Variants in WDR35 observed in about 807,000 individuals in gnomAD.
WDR35 encodes the protein WD repeat domain 35.
WDR35 carries 118 observed loss-of-function variants against 158.3 expected under a neutral mutation model. The observed-to-expected ratio is 0.75, with a 90% CI of 0.64 to 0.87. The LOEUF is 0.87. WDR35 is among the 40% of genes least tolerant of loss of function. The probability of loss-of-function intolerance (pLI) is 0.00; values close to 1 mark genes in which losing one functional copy is unlikely to be tolerated. For missense variants in WDR35, 1,263 were observed against 1,405.8 expected (o/e 0.90, Z 1.62); for synonymous variants, 448 against 476.1 (o/e 0.94, Z 0.77).
chr2:19,925,581 G>A (rs1251950932), intron 25 of WDR35, among the ~76,000 whole-genome samples: 1 of 152,202 alleles, frequency 6.6e-6, no homozygotes, highest in African/African-American at 2.4e-5. Context: ...ACTTAACATA[G>A]TTGGAGTTGG....
chr2:19,972,437 A>T (rs998766625), intron 8 of WDR35, among the ~76,000 whole-genome samples: 3 of 152,262 alleles, frequency 2.0e-5, no homozygotes, highest in African/African-American at 7.2e-5. Flanking sequence ...ACATTATGAT[A>T]AATAAGTAAA....
At chr2:19,944,841 T>C (rs935237719) in intron 16 of WDR35, among the ~76,000 whole-genome samples, 18 of 152,088 alleles carry the variant, frequency 1.2e-4, no homozygotes, top group African/African-American at 4.3e-4. Context: ...TACCACTAAA[T>C]AAATTACTCC....
intron 25 of WDR35, among the ~76,000 whole-genome samples, chr2:19,928,248 C>T (rs997548123): frequency 1.3e-5 from 2 of 152,268 alleles, no homozygotes; most frequent in African/African-American, 4.8e-5. Flanking sequence ...CTGCAGATAA[C>T]TAGCCAGACC....
In WDR35 at chr2:19,938,962, T is replaced by C. The variant is rs747525859; in HGVS notation, c.1927-561A>G. Among the ~76,000 whole-genome samples the C allele has an allele frequency of 3.3e-5, 5 of 152,350 alleles. No individual in the cohort carries two copies. The South Asian group carries it at 1.0e-3, about 32-fold the overall frequency. On this transcript the variant is annotated intron_variant, in intron 17 of 26. Transcript: ENST00000281405. ...TGTTAATTAATAGTTGCTGAATTAA[T>C]GAATAGATGAACTTTAGGTAAATCA... is the stretch of plus-strand genomic sequence containing the variant.
Position 19,937,701 on chromosome 2 carries a change from A to C in WDR35, c.2267+42T>G, listed in dbSNP as rs200680166. Reference sequence around the variant, plus strand: ...CCATTTGTAAAAAATACAATGATGAACTGATAGAGTACTCAGGGATGCCTG... The same window carrying C: ...CCATTTGTAAAAAATACAATGATGACCTGATAGAGTACTCAGGGATGCCTG... On this transcript the variant is annotated intron_variant, in intron 19 of 26. Coordinates refer to ENST00000281405, the MANE Select transcript of WDR35 (RefSeq NM_020779.4). 355 of 1,611,650 alleles carry C rather than the reference A, an allele frequency of 2.2e-4. 2 individuals carry two copies. The Middle Eastern group carries it at 9.6e-3, about 44-fold the overall frequency.
At position 19,974,599 on chromosome 2, in the gene WDR35, G is replaced by A; in HGVS notation, c.605C>T (p.Thr202Ile). 2 of 1,613,790 alleles carry A rather than the reference G, an allele frequency of 1.2e-6. No homozygotes were observed. Among genetic ancestry groups the A allele is most frequent in the East Asian group, 2.2e-5 (1 of 44,870 alleles). ...KMKLSCLVNV[T>I]GAISIAGIHW... ...AATTCCAGCAATGCTGATAGCTCCA[G>A]TGACATTCACCAAACAACTCAGTTT... Residue 202 changes from threonine to isoleucine, a missense_variant, in exon 7 of 27, where the codon ACT (threonine) becomes ATT (isoleucine). Thr to Ile is a moderately conservative substitution (Grantham distance 89). Transcript: ENST00000281405.
chr2:19,985,899 GAAAA>G (rs70939024), intron 2 of WDR35, among the ~76,000 whole-genome samples: 1 of 71,166 alleles, frequency 1.4e-5, no homozygotes, highest in Admixed American at 1.6e-4. Flanking sequence ...CCCATCTCGG[GAAAA>G]AAAAAAAAAA....
chr2:19,981,208 G>A (rs917415505), intron 3 of WDR35, among the ~76,000 whole-genome samples: 9 of 152,038 alleles, frequency 5.9e-5, no homozygotes, highest in African/African-American at 9.7e-5. Context: ...CCTCTCACTC[G>A]TTTTCCATTC....
At position 19,989,901 on chromosome 2, in the gene WDR35, G is replaced by A. The variant is rs963407260; in HGVS notation, c.24+91C>T. Reference sequence around the variant, plus strand: ...ATGGCGAAGCCACGACCAGGACCGGGTGAAGGAGCCTGGCTTCTCGGGAAG... The same window carrying A: ...ATGGCGAAGCCACGACCAGGACCGGATGAAGGAGCCTGGCTTCTCGGGAAG... On this transcript the variant is annotated intron_variant, in intron 1 of 26. Transcript: ENST00000281405. 4 of 1,579,166 alleles carry A rather than the reference G, an allele frequency of 2.5e-6. No homozygotes were observed. The South Asian group carries it at 3.4e-5, about 14-fold the overall frequency.
chr2:19,940,261 G>A (rs547327637), intron 17 of WDR35, among the ~76,000 whole-genome samples: 1 of 151,766 alleles, frequency 6.6e-6, no homozygotes, highest in African/African-American at 2.4e-5. Context: ...CAGCTACTCA[G>A]GAGGCTGAGA....
At chr2:19,981,369 T>C (rs1375529127) in intron 3 of WDR35, among the ~76,000 whole-genome samples, 2 of 152,234 alleles carry the variant, frequency 1.3e-5, no homozygotes, top group Non-Finnish European at 2.9e-5. Context: ...TTAGGAAGTT[T>C]AACACTGATA....
intron 25 of WDR35, among the ~76,000 whole-genome samples, chr2:19,920,690 C>T (rs1670141971): frequency 6.6e-6 from 1 of 152,190 alleles, no homozygotes; most frequent in African/African-American, 2.4e-5. Flanking sequence ...TGCCCTCTCC[C>T]ACCACTCCTA....
At position 19,910,896 on chromosome 2, in the gene WDR35, T is replaced by C. The variant is rs1342713720; in HGVS notation, c.*2662A>G. The C allele has an allele frequency of 6.6e-6, 1 of 152,168 alleles. No individual in the cohort carries two copies. Among genetic ancestry groups the C allele is most frequent in the Non-Finnish European group, 1.5e-5 (1 of 68,040 alleles). 9.4% of individuals were successfully genotyped at this position (152,168 alleles called of 1,614,324 possible). ...ATATAGATACCAAAGAGGCATAAGC[T>C]TTTACAAAAGTAAAAAAGATGTGCC... On this transcript the variant is annotated 3_prime_UTR_variant, in exon 27 of 27. Coordinates refer to ENST00000281405, the MANE Select transcript of WDR35 (RefSeq NM_020779.4).
intron 11 of WDR35, among the ~76,000 whole-genome samples, chr2:19,956,473 G>C (rs576406203): frequency 2.6e-5 from 4 of 152,174 alleles, no homozygotes; most frequent in African/African-American, 9.6e-5. Context: ...TGTTCTCTCA[G>C]TTTACTTACT....
In WDR35 at chr2:19,932,343, A is replaced by G. The variant is rs749611728; in HGVS notation, c.2763T>C (p.Asp921=). ...SHLLEKNKTL[D]AIELYRKANY... is the part of the protein sequence containing the mutation. ...TGGCTTTCCGATAGAGTTCTATGGC[A>G]TCAAGAGTTTTATTCTTTTCCAGTA... The change falls in exon 23 of 27, where the codon GAT becomes GAC. Residue 921 remains aspartate, a synonymous_variant. Coordinates refer to ENST00000281405, the MANE Select transcript of WDR35 (RefSeq NM_020779.4). 6.2e-7 allele frequency: 1 copy of G among 1,613,212 alleles called. No individual in the cohort carries two copies. The highest frequency in any genetic ancestry group is 8.5e-7 in the Non-Finnish European group (1 of 1,179,558).
At chr2:19,938,001 T>C (rs1670756615) in intron 18 of WDR35, 55 bp from the exon 19 acceptor site, 1 of 1,580,662 alleles carries the variant, frequency 6.3e-7, no homozygotes, top group South Asian at 1.1e-5. Flanking sequence ...ACTGACAAAC[T>C]AGTCTTGAAT....
At chr2:19,965,733 G>A (rs113289114) in intron 10 of WDR35, among the ~76,000 whole-genome samples, 1 of 152,170 alleles carries the variant, frequency 6.6e-6, no homozygotes, top group Non-Finnish European at 1.5e-5. Context: ...GTGGCAGAAG[G>A]GCAGCTGCCT....
intron 12 of WDR35, among the ~76,000 whole-genome samples, chr2:19,953,064 C>T (rs975776471): frequency 1.8e-4 from 28 of 152,004 alleles, no homozygotes; most frequent in Admixed American, 1.8e-3. Flanking sequence ...ATGACTGTAC[C>T]ACTCACTTCC....
At chr2:19,961,220 C>A (rs528746875) in intron 10 of WDR35, among the ~76,000 whole-genome samples, 17 of 152,194 alleles carry the variant, frequency 1.1e-4, no homozygotes, top group Admixed American at 1.1e-3. Flanking sequence ...CAGCAGTCTA[C>A]AAAAGGACAA....
Sources: gnomAD v4.1 joint callset for allele counts (sites outside exome capture counted in the v4.1 genomes callset) on GRCh38, gnomAD v4.1.1 for gene constraint, MANE v1.5 for transcripts, NCBI Gene and HGNC (gene_info 2026-07-23, HGNC 2026-07-21) for gene names.